The following TLCD4 variants were observed in gnomAD, a reference collection of about 807,000 sequenced individuals.
TLCD4 encodes TLC domain-containing protein 4.
In TLCD4, 7 loss-of-function variants were observed where a neutral mutation model predicts 24.2. The observed-to-expected ratio is 0.29, with a 90% confidence interval of 0.16 to 0.54. TLCD4 has a LOEUF of 0.54. Among genes scored for constraint, TLCD4 ranks in the 20% least tolerant of loss-of-function variants. The probability of loss-of-function intolerance (pLI) is 0.95; values close to 1 mark genes in which losing one functional copy is unlikely to be tolerated. For synonymous variants in TLCD4, 103 were observed against 106.4 expected, an observed-to-expected ratio of 0.97 and a Z score of 0.20; for missense variants, 259 against 313.9, an observed-to-expected ratio of 0.82 and a Z score of 1.32.
intron 1 of TLCD4, among the ~76,000 whole-genome samples, chr1:95,136,235 C>A (rs1473404165): frequency 6.6e-6 from 1 of 151,806 alleles, no homozygotes; most frequent in Non-Finnish European, 1.5e-5. Flanking sequence ...ATAAATGAGC[C>A]TGAAATTTGT....
chr1:95,139,212 C>T (rs529429804), intron 1 of TLCD4, among the ~76,000 whole-genome samples: 1 of 143,622 alleles, frequency 7.0e-6, no homozygotes, highest in East Asian at 2.1e-4. Flanking sequence ...AAAAATGTTA[C>T]ACCACCTCTG....
chr1:95,192,547 A>G lies in TLCD4; in HGVS notation c.*679A>G, dbSNP rs1679061357. 6.6e-6 allele frequency: 1 copy of G among 152,196 alleles called. No homozygotes were observed. The highest frequency in any genetic ancestry group is 1.5e-5 in the Non-Finnish European group (1 of 68,040). The allele number at this position is 152,196 out of a possible 1,614,324, so 9.4% of individuals were successfully genotyped here. ...CACCAATTTTGCTGCAAGAATGGGA[A>G]CTGCTTTTAAATCTGTAAATAGCTC... is the stretch of plus-strand genomic sequence containing the variant. On this transcript the variant is annotated 3_prime_UTR_variant, in exon 7 of 7. Transcript: ENST00000370203.
chr1:95,129,725 G>C (rs1676836531), intron 1 of TLCD4, among the ~76,000 whole-genome samples: 1 of 152,156 alleles, frequency 6.6e-6, no homozygotes. Flanking sequence ...CTGGGCAACA[G>C]AGTGAGATTC....
chr1:95,177,755 T>C (rs1226724261), intron 6 of TLCD4, among the ~76,000 whole-genome samples: 1 of 151,968 alleles, frequency 6.6e-6, no homozygotes, highest in African/African-American at 2.4e-5. Flanking sequence ...TCAGATCTCA[T>C]AAATCCATTA....
chr1:95,157,042 A>G (rs1677653421), intron 5 of TLCD4, among the ~76,000 whole-genome samples: 1 of 152,174 alleles, frequency 6.6e-6, no homozygotes, highest in African/African-American at 2.4e-5. Flanking sequence ...TATTGGAAGC[A>G]ATATTCCCTA....
intron 5 of TLCD4, among the ~76,000 whole-genome samples, chr1:95,162,677 G>A (rs1205803556): frequency 8.4e-6 from 1 of 119,040 alleles, no homozygotes; most frequent in Non-Finnish European, 2.1e-5. Flanking sequence ...TCCTTCAGGA[G>A]CTCTTGTAAG....
chr1:95,119,782 A>T (rs1191491480), intron 1 of TLCD4, among the ~76,000 whole-genome samples: 1 of 150,796 alleles, frequency 6.6e-6, no homozygotes, highest in Admixed American at 6.6e-5. Flanking sequence ...TTAGTTTGTA[A>T]GAAACTCTTT....
intron 5 of TLCD4, among the ~76,000 whole-genome samples, chr1:95,170,330 C>CTTTTTT (rs10664436): frequency 7.9e-6 from 1 of 126,624 alleles, no homozygotes; most frequent in Non-Finnish European, 1.6e-5. Context: ...ACAAATCATT[C>CTTTTTT]TTTTTTTTTT....
At chr1:95,134,518 G>A (rs1248921751) in intron 1 of TLCD4, among the ~76,000 whole-genome samples, 2 of 152,142 alleles carry the variant, frequency 1.3e-5, no homozygotes, top group African/African-American at 4.8e-5. Flanking sequence ...ATGCTCAGAG[G>A]AGAGGCCAAG....
intron 5 of TLCD4, among the ~76,000 whole-genome samples, chr1:95,161,939 G>C (rs1324952693): frequency 6.6e-6 from 1 of 152,274 alleles, no homozygotes; most frequent in East Asian, 1.9e-4. Flanking sequence ...GTCAATTTTG[G>C]AATAGTGCGA....
chr1:95,096,377 C>A, the TLCD4 span, among the ~76,000 whole-genome samples: 41 of 152,268 alleles, frequency 2.7e-4, no homozygotes, highest in African/African-American at 8.9e-4. Context: ...GCCCACAAAG[C>A]CTGACCTATT....
chr1:95,118,270 A>G (rs949423596), intron 1 of TLCD4, among the ~76,000 whole-genome samples: 1 of 152,094 alleles, frequency 6.6e-6, no homozygotes, highest in Admixed American at 6.6e-5. Flanking sequence ...TGTAACCCCT[A>G]AGTGCCTCGG....
chr1:95,157,187 A>G lies in TLCD4; in HGVS notation c.399+5768A>G, dbSNP rs957800705. 3.3e-5 allele frequency among the ~76,000 whole-genome samples: 5 copies of G among 152,304 alleles called. No homozygotes were observed. The South Asian group carries it at 6.2e-4, about 19-fold the overall frequency. On this transcript the variant is annotated intron_variant, in intron 5 of 6. Transcript: ENST00000370203. ...AAGCAAAAAGAAAAAATGATGCCCC[A>G]ATCTCACAACCTATATAATTATATT...
intron 1 of TLCD4, among the ~76,000 whole-genome samples, chr1:95,129,945 A>G (rs1237009567): frequency 6.6e-6 from 1 of 152,200 alleles, no homozygotes; most frequent in East Asian, 1.9e-4. Flanking sequence ...TGATGCTCAG[A>G]AAAGAAAAAG....
At chr1:95,130,039 A>G (rs1676845065) in intron 1 of TLCD4, among the ~76,000 whole-genome samples, 1 of 152,256 alleles carries the variant, frequency 6.6e-6, no homozygotes, top group Non-Finnish European at 1.5e-5. Flanking sequence ...ACAAAAAGCA[A>G]AAACTATAAC....
chr1:95,177,839 C>G (rs954165788), intron 6 of TLCD4, among the ~76,000 whole-genome samples: 5 of 151,862 alleles, frequency 3.3e-5, no homozygotes, highest in South Asian at 2.1e-4. Flanking sequence ...GATGAAGCCT[C>G]TCTTGCTACA....
chr1:95,159,139 A>T (rs1677712499), intron 5 of TLCD4, among the ~76,000 whole-genome samples: 3 of 152,120 alleles, frequency 2.0e-5, no homozygotes, highest in South Asian at 4.2e-4. Context: ...GTAAAAGTGT[A>T]CCTATTTCTC....
chr1:95,197,494 C>G lies in TLCD4; in HGVS notation c.*5626C>G, dbSNP rs150648051. ...CACCCTGTAAATTACCCTTCTCCCC[C>G]TCCCCTCCATGAAAACCTTGGGATT... On this transcript the variant is annotated 3_prime_UTR_variant, in exon 7 of 7. Transcript: ENST00000370203. 6.6e-6 allele frequency: 1 copy of G among 152,114 alleles called. No individual in the cohort carries two copies. The highest frequency in any genetic ancestry group is 2.4e-5 in the African/African-American group (1 of 41,434). The allele number at this position is 152,114 out of a possible 1,614,324, so 9.4% of individuals were successfully genotyped here. A position where few individuals can be genotyped will look rare whatever the true frequency, so the allele number is the denominator to read the frequency against.
At chr1:95,098,206 A>G in the TLCD4 span, among the ~76,000 whole-genome samples, 2 of 152,178 alleles carry the variant, frequency 1.3e-5, no homozygotes, top group Non-Finnish European at 2.9e-5. Flanking sequence ...CTAAAGTCAT[A>G]ATAACTGGTG....
Sources: allele counts gnomAD v4.1 joint callset (sites outside exome capture counted in the v4.1 genomes callset), GRCh38; gene constraint gnomAD v4.1.1; transcripts MANE v1.5; gene names NCBI Gene and HGNC (gene_info 2026-07-23, HGNC 2026-07-21).